The following ADGRE3 variants were observed in gnomAD, a reference collection of about 807,000 sequenced individuals.
The protein encoded by ADGRE3 is EGF-like module receptor 3.
ADGRE3 carries 88 observed loss-of-function variants against 80.1 expected under a neutral mutation model. That is an observed-to-expected ratio of 1.10 (90% confidence interval 0.93 to 1.31). The LOEUF (loss-of-function observed/expected upper bound fraction) is 1.31, where lower values mean the gene tolerates loss of function less well. Ranked by LOEUF, ADGRE3 falls within the 40% of genes most tolerant of loss-of-function variation. The pLI is 0.00. For missense variants in ADGRE3, 715 were observed against 776.5 expected (o/e 0.92, Z 0.94); for synonymous variants, 281 against 294.8 (o/e 0.95, Z 0.48).
intron 6 of ADGRE3, among the ~76,000 whole-genome samples, chr19:14,652,764 G>C (rs1971641668): frequency 8.0e-6 from 1 of 125,054 alleles, no homozygotes; most frequent in Non-Finnish European, 1.6e-5. Context: ...GCAATAGAAT[G>C]AGACTCCATC....
intron 14 of ADGRE3, among the ~76,000 whole-genome samples, chr19:14,629,317 A>G (rs1970816730): frequency 6.6e-6 from 1 of 152,168 alleles, no homozygotes; most frequent in Non-Finnish European, 1.5e-5. Context: ...GTAGTTGGAA[A>G]AAAAATAATT....
chr19:14,633,776 CT>C (rs201616276), intron 11 of ADGRE3, among the ~76,000 whole-genome samples: 261 of 109,524 alleles, frequency 2.4e-3, no homozygotes, highest in African/African-American at 5.6e-3. Context: ...ATGACAATAG[CT>C]TTTTTTTTTT....
intron 14 of ADGRE3, among the ~76,000 whole-genome samples, chr19:14,629,703 C>T (rs1266536807): frequency 2.0e-5 from 3 of 151,996 alleles, no homozygotes; most frequent in African/African-American, 7.3e-5. Flanking sequence ...GACCTGTAGA[C>T]CCCAGAATAA....
intron 2 of ADGRE3, among the ~76,000 whole-genome samples, chr19:14,665,522 G>A (rs192331989): frequency 8.8e-4 from 133 of 151,932 alleles, no homozygotes; most frequent in African/African-American, 3.1e-3. Context: ...ATAAGGTCTC[G>A]CTCTATTGTC....
downstream of ADGRE3, among the ~76,000 whole-genome samples, chr19:14,615,877 C>T (rs980809093): frequency 6.6e-5 from 10 of 152,026 alleles, no homozygotes; most frequent in Non-Finnish European, 1.5e-4. Context: ...CTCCCGCCTT[C>T]GCCTCCAGAG....
intron 6 of ADGRE3, among the ~76,000 whole-genome samples, chr19:14,651,910 T>C (rs954115874): frequency 1.3e-5 from 2 of 152,028 alleles, no homozygotes; most frequent in African/African-American, 4.8e-5. Flanking sequence ...GGCATGGTGG[T>C]GTGCACCTGT....
intron 13 of ADGRE3, among the ~76,000 whole-genome samples, chr19:14,630,491 C>T (rs1319062754): frequency 6.6e-6 from 1 of 151,948 alleles, no homozygotes; most frequent in East Asian, 1.9e-4. Flanking sequence ...TCACTGCAAC[C>T]TCCACCTCCA....
intron 10 of ADGRE3, 96 bp downstream of exon 10, chr19:14,641,323 C>T: frequency 5.4e-6 from 8 of 1,480,134 alleles, no homozygotes; most frequent in South Asian, 1.2e-5. Flanking sequence ...CTCTACAGAC[C>T]CAAGGACATT....
chr19:14,654,318 C>T (rs991757850), intron 6 of ADGRE3, among the ~76,000 whole-genome samples: 6 of 148,962 alleles, frequency 4.0e-5, no homozygotes, highest in Non-Finnish European at 8.9e-5. Context: ...GTTGGAGTGG[C>T]AATGGCATGA....
At chr19:14,612,702 T>C in the ADGRE3 span, among the ~76,000 whole-genome samples, 3 of 152,066 alleles carry the variant, frequency 2.0e-5, no homozygotes, top group South Asian at 6.2e-4. Flanking sequence ...GAATTAGAAT[T>C]TAAACATATG....
At chr19:14,616,390 A>G (rs773239475), downstream of ADGRE3, among the ~76,000 whole-genome samples, 1 of 152,046 alleles carries the variant, frequency 6.6e-6, no homozygotes, top group Non-Finnish European at 1.5e-5. Context: ...TGATGATGCT[A>G]TGGGATGAGT....
At chr19:14,660,392 C>A (rs766732042) in intron 4 of ADGRE3, among the ~76,000 whole-genome samples, 1 of 152,050 alleles carries the variant, frequency 6.6e-6, no homozygotes. Flanking sequence ...TTTGGGAGGC[C>A]AAGGCAGAAG....
At chr19:14,644,040 A>G (rs1319563246) in intron 9 of ADGRE3, 68 bp downstream of exon 9, 1 of 937,714 alleles carries the variant, frequency 1.1e-6, no homozygotes, top group South Asian at 4.0e-5. Flanking sequence ...TTTTTTTAAT[A>G]GCACTTATTA....
chr19:14,614,329 GTC>G (rs1411987467), downstream of ADGRE3, among the ~76,000 whole-genome samples: 1 of 152,134 alleles, frequency 6.6e-6, no homozygotes, highest in East Asian at 1.9e-4. Flanking sequence ...CTGTGGTCAC[GTC>G]TCTAGGAGGC....
intron 2 of ADGRE3, among the ~76,000 whole-genome samples, chr19:14,665,055 A>ATTTT (rs916325882): frequency 7.8e-5 from 7 of 89,820 alleles, no homozygotes; most frequent in East Asian, 3.0e-4. Context: ...GAGCAACCTC[A>ATTTT]TTTTTTTTTT....
downstream of ADGRE3, among the ~76,000 whole-genome samples, chr19:14,617,381 T>TCTTTCTTC (rs1491487002): frequency 6.9e-5 from 9 of 130,890 alleles, no homozygotes; most frequent in Admixed American, 1.6e-4. Flanking sequence ...TTTCTTCCTT[T>TCTTTCTTC]CTTTCTTTCT....
rs1555755785 is a variant in ADGRE3, at chr19:14,636,081, C to CTTTCTTTTT, written c.1484+2023_1484+2024insAAAAAGAAA. Reference sequence around the variant, plus strand: ...CCTTCCTTTCCTTTCCTTTCCTTTCCCTTTCTTTCTTTCTTTCTTTCTTTC... The same window carrying CTTTCTTTTT: ...CCTTCCTTTCCTTTCCTTTCCTTTCCTTTCTTTTTCTTTCTTTCTTTCTTTCTTTCTTTC... On this transcript the variant is annotated intron_variant, in intron 11 of 15. Coordinates refer to ENST00000253673, the MANE Select transcript of ADGRE3 (RefSeq NM_032571.5). Among the ~76,000 whole-genome samples, 133 of 24,682 alleles carry CTTTCTTTTT rather than the reference C, an allele frequency of 5.4e-3. 10 individuals are homozygous for CTTTCTTTTT. The highest frequency in any genetic ancestry group is 8.5e-3 in the Admixed American group (16 of 1,878). The allele number at this position is 24,682 out of a possible 152,430, so 16.2% of individuals were successfully genotyped here.
intron 15 of ADGRE3, among the ~76,000 whole-genome samples, chr19:14,620,067 A>G (rs781576436): frequency 6.6e-6 from 1 of 152,178 alleles, no homozygotes; most frequent in African/African-American, 2.4e-5. Flanking sequence ...GACTTTTTCC[A>G]TAGGCAACAT....
the ADGRE3 span, chr19:14,610,051 T>G: frequency 1.9e-6 from 3 of 1,609,544 alleles, no homozygotes; most frequent in Non-Finnish European, 2.6e-6. Flanking sequence ...TGCCCACTTT[T>G]TCCTCCATCC....
Sources: allele counts gnomAD v4.1 joint callset (sites outside exome capture counted in the v4.1 genomes callset), GRCh38; gene constraint gnomAD v4.1.1; transcripts MANE v1.5; gene names NCBI Gene and HGNC (gene_info 2026-07-23, HGNC 2026-07-21).